Variants in ZDHHC6 observed in about 807,000 individuals in gnomAD.
ZDHHC6 encodes the protein palmitoyltransferase ZDHHC6.
In ZDHHC6, 32 loss-of-function variants were observed where a neutral mutation model predicts 57.8. That is an observed-to-expected ratio of 0.55 (90% CI 0.42 to 0.74). The LOEUF is 0.74. Ranked by LOEUF, ZDHHC6 falls within the 30% of genes least tolerant of loss-of-function variation. The pLI, the probability that ZDHHC6 is intolerant of heterozygous loss-of-function variation, is 0.00. For missense variants in ZDHHC6, 433 were observed against 500.7 expected, an observed-to-expected ratio of 0.86 and a Z score of 1.29; for synonymous variants, 128 against 158.0, an observed-to-expected ratio of 0.81 and a Z score of 1.42.
rs1254864781 is a variant in ZDHHC6 at position 112,442,208 on chromosome 10, G to T, written c.503C>A (p.Thr168Lys). The T allele has an allele frequency of 4.3e-6, 7 of 1,611,842 alleles. No homozygotes were observed. Among genetic ancestry groups the T allele is most frequent in the Admixed American group, 1.7e-5 (1 of 59,428 alleles). ...AAFIFVMTMY[T>K]QLYHRLSFGW... ...TTCACTTACCCGATGATAAAGCTGT[G>T]TGTACATAGTCATCACAAAAATGAA... is the stretch of plus-strand genomic sequence containing the variant. The change falls in exon 4 of 11, where the codon ACA (threonine) becomes AAA (lysine). Residue 168 changes from threonine (T) to lysine (K), a missense_variant. Thr to Lys is a moderately conservative substitution (Grantham distance 78). Transcript: ENST00000369405.
At chr10:112,425,209 GA>G (rs1333376441) in exon 12 of ZDHHC6, 3 of 807,532 alleles carry the variant, frequency 3.7e-6, no homozygotes, top group African/African-American at 3.6e-5. Context: ...AAAGAGAAAT[GA>G]AAGACAGCTC....
chr10:112,439,814 G>T (rs1318470575), intron 5 of ZDHHC6, among the ~76,000 whole-genome samples: 1 of 151,884 alleles, frequency 6.6e-6, no homozygotes, highest in Non-Finnish European at 1.5e-5. Flanking sequence ...CCTAAGGGCA[G>T]CTACCTCTTC....
At chr10:112,447,428 A>C (rs758215615), upstream of ZDHHC6, 2 of 1,613,642 alleles carry the variant, frequency 1.2e-6, no homozygotes, top group Non-Finnish European at 1.7e-6. Flanking sequence ...CACTGCAGAG[A>C]TCACCAGCAA....
At chr10:112,446,373 G>A (rs558801895) in intron 1 of ZDHHC6, among the ~76,000 whole-genome samples, 1 of 152,268 alleles carries the variant, frequency 6.6e-6, no homozygotes, top group South Asian at 2.1e-4. Flanking sequence ...AGAAAGAAGA[G>A]GAAGTGCCTC....
In ZDHHC6 at chr10:112,432,434, C is replaced by A. The variant is rs150103225; in HGVS notation, c.1033G>T (p.Glu345Ter). ...TTTTGCAGCTGTATTCGAGGCTCTTCGGTGCAGGGACTTGTGAAGAAGGTT... is the reference window on the plus strand; with the variant it reads ...TTTTGCAGCTGTATTCGAGGCTCTTAGGTGCAGGGACTTGTGAAGAAGGTT... ...IKTFFTSPCT[E>*]EPRIQLQKGE... is the part of the protein sequence containing the mutation. Residue 345 changes from glutamate to a stop codon, truncating the protein, a stop_gained, in exon 9 of 11, where the codon GAA (glutamate) becomes TAA (stop). Coordinates refer to ENST00000369405, the MANE Select transcript of ZDHHC6 (RefSeq NM_022494.3). LOFTEE classifies it high-confidence loss of function. 1 of 1,614,046 alleles carries A rather than the reference C, an allele frequency of 6.2e-7. No individual in the cohort carries two copies. Among genetic ancestry groups the A allele is most frequent in the East Asian group, 2.2e-5 (1 of 44,888 alleles).
At chr10:112,426,507 T>TA, downstream of ZDHHC6, 1 of 652,774 alleles carries the variant, frequency 1.5e-6, no homozygotes, top group South Asian at 2.0e-5. Context: ...ATGGAGAGTT[T>TA]AAAAAATAAA....
intron 4 of ZDHHC6, among the ~76,000 whole-genome samples, chr10:112,441,851 A>G (rs1481416886): frequency 1.3e-5 from 2 of 152,228 alleles, no homozygotes; most frequent in African/African-American, 4.8e-5. Flanking sequence ...AACTTGCCAC[A>G]TGAATGGGAT....
Position 112,425,290 on chromosome 10 carries a change from T to C in ZDHHC6, c.*347A>G, listed in dbSNP as rs747124699. ...GACTTCACCACTCTCCCCACTGATA[T>C]CATCTCTGTGGCTCAAAAATACTGA... On this transcript the variant is annotated 3_prime_UTR_variant, in exon 12 of 12. Transcript: ENST00000626395. 1.1e-5 allele frequency: 17 copies of C among 1,542,090 alleles called. No individual in the cohort carries two copies. In the South Asian group the frequency reaches 1.5e-4, roughly 13 times the overall value.
intron 5 of ZDHHC6, among the ~76,000 whole-genome samples, chr10:112,439,080 C>T (rs1429814512): frequency 6.6e-6 from 1 of 152,072 alleles, no homozygotes; most frequent in Admixed American, 6.5e-5. Context: ...TCTGGCTGTG[C>T]CTTCAGAGAG....
chr10:112,429,003 G>C (rs1370310289), downstream of ZDHHC6, among the ~76,000 whole-genome samples: 5 of 152,184 alleles, frequency 3.3e-5, no homozygotes, highest in African/African-American at 1.2e-4. Flanking sequence ...AACTCCAACT[G>C]AGCACAAGTC....
At chr10:112,431,005 A>G in intron 10 of ZDHHC6, 98 bp from the exon 11 acceptor site, 1 of 992,524 alleles carries the variant, frequency 1.0e-6, no homozygotes, top group Non-Finnish European at 1.5e-6. Context: ...ATAAGCTTGT[A>G]GTTAGACTTT....
At chr10:112,426,488 G>A (rs1004831081), downstream of ZDHHC6, 19 of 728,576 alleles carry the variant, frequency 2.6e-5, no homozygotes, top group Admixed American at 2.7e-4. Flanking sequence ...TATGGGACTC[G>A]GGGATAGGAT....
chr10:112,437,251 A>C (rs1484725149), intron 6 of ZDHHC6, among the ~76,000 whole-genome samples: 1 of 152,166 alleles, frequency 6.6e-6, no homozygotes, highest in Non-Finnish European at 1.5e-5. Flanking sequence ...CAATTTTGGG[A>C]TATTGTATAA....
downstream of ZDHHC6, chr10:112,426,889 C>G (rs1375444721): frequency 1.3e-6 from 2 of 1,532,912 alleles, no homozygotes; most frequent in Non-Finnish European, 1.8e-6. Context: ...TTATACTGGC[C>G]TCTTGTCAGA....
exon 12 of ZDHHC6, chr10:112,425,178 T>C: frequency 1.7e-6 from 1 of 584,042 alleles, no homozygotes; most frequent in Non-Finnish European, 2.9e-6. Context: ...GATGCTTCCC[T>C]CCCCTTTCAC....
At chr10:112,442,713 C>A (rs1846239702) in intron 3 of ZDHHC6, among the ~76,000 whole-genome samples, 1 of 152,116 alleles carries the variant, frequency 6.6e-6, no homozygotes, top group Non-Finnish European at 1.5e-5. Flanking sequence ...TGCAGTGACC[C>A]AAGTGACCTA....
At chr10:112,445,029 A>G (rs1846509002) in intron 2 of ZDHHC6, 141 bp downstream of exon 2, 1 of 971,996 alleles carries the variant, frequency 1.0e-6, no homozygotes. Context: ...CCGAGCCTAA[A>G]TGATCAGTGA....
chr10:112,426,170 A>G, downstream of ZDHHC6: 1 of 1,021,606 alleles, frequency 9.8e-7, no homozygotes, highest in Non-Finnish European at 1.5e-6. Flanking sequence ...AACTATTACA[A>G]TGACATAATT....
Position 112,445,328 on chromosome 10 carries a change from T to C in ZDHHC6, c.109A>G (p.Met37Val), listed in dbSNP as rs1231915088. ...CACAACACAGAGTCAATCATGGCCA[T>C]GGTAGAACATATTGCTATAACACCA... is the stretch of plus-strand genomic sequence containing the variant. Reference protein sequence around the residue: ...ALGVIAICSTMAMIDSVLWYW... With the variant: ...ALGVIAICSTVAMIDSVLWYW... Residue 37 changes from methionine (M) to valine (V), a missense_variant, in exon 2 of 11, where the codon ATG becomes GTG. Met to Val is a conservative substitution (Grantham distance 21). Coordinates refer to ENST00000369405, the MANE Select transcript of ZDHHC6 (RefSeq NM_022494.3). The C allele has an allele frequency of 2.5e-6, 4 of 1,614,110 alleles. No homozygotes were observed. The highest frequency in any genetic ancestry group is 2.5e-6 in the Non-Finnish European group (3 of 1,180,062).
Sources: allele counts gnomAD v4.1 joint callset (sites outside exome capture counted in the v4.1 genomes callset), GRCh38; gene constraint gnomAD v4.1.1; transcripts MANE v1.5; gene names NCBI Gene and HGNC (gene_info 2026-07-23, HGNC 2026-07-21).